Variants in DACH2 observed in about 807,000 individuals in gnomAD.
DACH2 encodes dachshund homolog 2.
A neutral mutation model predicts 35.8 loss-of-function variants in DACH2; 17 were observed. The observed-to-expected ratio is 0.48, with a 90% confidence interval of 0.33 to 0.71. The LOEUF (loss-of-function observed/expected upper bound fraction) is 0.71. Ranked by LOEUF, DACH2 falls within the 30% of genes least tolerant of loss-of-function variation. The pLI, the probability that DACH2 is intolerant of heterozygous loss-of-function variation, is 0.02. For missense variants in DACH2, 469 were observed against 472.7 expected, an observed-to-expected ratio of 0.99 and a Z score of 0.07; for synonymous variants, 195 against 177.3, an observed-to-expected ratio of 1.10 and a Z score of -0.79.
At chrX:86,285,360 T>A (rs2034123376) in intron 1 of DACH2, among the ~76,000 whole-genome samples, 2 of 111,940 alleles carry the variant, frequency 1.8e-5, no homozygotes, top group South Asian at 3.7e-4. Flanking sequence ...TTCCATCAAT[T>A]TTTGTATGTT....
At chrX:86,156,881 T>G (rs1186234957) in intron 1 of DACH2, among the ~76,000 whole-genome samples, 2 of 111,264 alleles carry the variant, frequency 1.8e-5, no homozygotes, top group Non-Finnish European at 3.8e-5. Context: ...AAAAGAATGA[T>G]TTGATTTTTT....
chrX:86,546,473 T>C (rs868276438), intron 3 of DACH2, among the ~76,000 whole-genome samples: 21 of 92,691 alleles, frequency 2.3e-4, no homozygotes, highest in East Asian at 7.0e-4. Flanking sequence ...CCTCTTATTC[T>C]TCCTCTTCTT....
At chrX:86,797,100 G>A (rs1057114543) in intron 7 of DACH2, among the ~76,000 whole-genome samples, 1 of 110,540 alleles carries the variant, frequency 9.0e-6, no homozygotes, top group Admixed American at 9.7e-5. Flanking sequence ...CATTTACTAG[G>A]AGTAACAGAA....
At chrX:86,584,172 G>T (rs1325878742) in intron 3 of DACH2, among the ~76,000 whole-genome samples, 5 of 110,816 alleles carry the variant, frequency 4.5e-5, no homozygotes, top group Non-Finnish European at 9.5e-5. Flanking sequence ...TTAGAAATAG[G>T]CTGTCTCTGT....
intron 2 of DACH2, among the ~76,000 whole-genome samples, chrX:86,458,363 C>T (rs55932859): frequency 1.8e-3 from 196 of 111,744 alleles, no homozygotes; most frequent in Non-Finnish European, 2.7e-3. Context: ...AAAGGTAACA[C>T]GCTATCTGGA....
At chrX:86,725,647 T>G (rs1450258391) in intron 6 of DACH2, among the ~76,000 whole-genome samples, 1 of 111,089 alleles carries the variant, frequency 9.0e-6, no homozygotes, top group African/African-American at 3.3e-5. Context: ...AGGTAGCTTG[T>G]TCGGATGCTG....
chrX:86,174,857 T>C (rs1048559727), intron 1 of DACH2, among the ~76,000 whole-genome samples: 1 of 110,506 alleles, frequency 9.0e-6, no homozygotes, highest in Admixed American at 9.7e-5. Flanking sequence ...ATTTTTAATT[T>C]TTTTGTGTAG....
chrX:86,773,475 C>G (rs1767774534), intron 7 of DACH2, among the ~76,000 whole-genome samples: 1 of 111,816 alleles, frequency 8.9e-6, no homozygotes, highest in African/African-American at 3.2e-5. Flanking sequence ...TAACACAAAT[C>G]TGATTTTGGC....
intron 3 of DACH2, among the ~76,000 whole-genome samples, chrX:86,522,368 T>A (rs1483679933): frequency 8.9e-6 from 1 of 111,733 alleles, no homozygotes; most frequent in Non-Finnish European, 1.9e-5. Flanking sequence ...TAATTAATAC[T>A]AATGCATCTT....
chrX:86,763,717 G>A (rs1383933089), intron 7 of DACH2, among the ~76,000 whole-genome samples: 4 of 111,734 alleles, frequency 3.6e-5, no homozygotes, highest in Non-Finnish European at 7.5e-5. Flanking sequence ...CTCCCAGAGT[G>A]ATGTTTACTC....
intron 3 of DACH2, among the ~76,000 whole-genome samples, chrX:86,526,666 G>A (rs1285933525): frequency 1.8e-5 from 2 of 110,283 alleles, no homozygotes; most frequent in Admixed American, 9.7e-5. Flanking sequence ...TTTTCCCAGA[G>A]GGCTCTTATT....
At chrX:86,816,279 T>A (rs2042451328) in intron 11 of DACH2, among the ~76,000 whole-genome samples, 180 bp downstream of exon 11, 2 of 111,394 alleles carry the variant, frequency 1.8e-5, no homozygotes, top group East Asian at 2.8e-4. Context: ...GAGAAAAAAA[T>A]ACTTAACATG....
chrX:86,517,212 ATGTTTTT>A (rs2038482116), intron 3 of DACH2, among the ~76,000 whole-genome samples: 1 of 111,371 alleles, frequency 9.0e-6, no homozygotes. Context: ...ACTCGTCAGC[ATGTTTTT>A]TGACTTTTTA....
At chrX:86,637,670 A>C (rs2148394986) in intron 3 of DACH2, among the ~76,000 whole-genome samples, 1 of 111,583 alleles carries the variant, frequency 9.0e-6, no homozygotes, top group South Asian at 3.8e-4. Flanking sequence ...TGGGAGCTAA[A>C]TGATGAGAAC....
intron 1 of DACH2, among the ~76,000 whole-genome samples, chrX:86,301,988 T>A (rs1178077999): frequency 9.0e-6 from 1 of 111,549 alleles, no homozygotes; most frequent in Non-Finnish European, 1.9e-5. Context: ...CTTGACCCAG[T>A]GTTAATGTGT....
chrX:86,496,510 AC>A (rs753708871), intron 2 of DACH2, among the ~76,000 whole-genome samples: 257 of 110,367 alleles, frequency 2.3e-3, no homozygotes, highest in African/African-American at 7.7e-3. Flanking sequence ...GTAAACTTTT[AC>A]TTAATTCTAC....
intron 4 of DACH2, 40 bp downstream of exon 4, chrX:86,651,207 G>A (rs370198969): frequency 1.0e-5 from 12 of 1,176,745 alleles, no homozygotes; most frequent in African/African-American, 1.8e-5. Flanking sequence ...GACTCTTACT[G>A]TTCTATTGTG....
At chrX:86,345,103 C>T (rs985971642) in intron 1 of DACH2, among the ~76,000 whole-genome samples, 2 of 111,577 alleles carry the variant, frequency 1.8e-5, no homozygotes, top group Non-Finnish European at 3.8e-5. Flanking sequence ...TAAGATTTCT[C>T]TTTTTTTCCC....
Position 86,820,373 on chromosome X carries a change from T to G in DACH2, c.1750+4274T>G, listed in dbSNP as rs765212363. On this transcript the variant is annotated intron_variant, in intron 11 of 11. Transcript: ENST00000373125. The stretch of plus-strand genomic sequence containing the variant: ...GGCATCCTAAATAATTTTTTATTCC[T>G]TTTGCTACTGACACACTAGAAGTAG... Among the ~76,000 whole-genome samples, 6 of 111,931 alleles carry G rather than the reference T, an allele frequency of 5.4e-5. No homozygotes were observed. In the South Asian group the frequency reaches 2.2e-3, roughly 41 times the overall value.
Sources: allele counts gnomAD v4.1 joint callset (sites outside exome capture counted in the v4.1 genomes callset), GRCh38; gene constraint gnomAD v4.1.1; transcripts MANE v1.5; gene names NCBI Gene and HGNC (gene_info 2026-07-23, HGNC 2026-07-21).